MACF1: variants seen among roughly 807,000 people sequenced by gnomAD.
The protein encoded by MACF1 is microtubule-actin cross-linking factor 1.
A neutral mutation model predicts 854.8 loss-of-function variants in MACF1; 193 were observed. The ratio of observed to expected loss-of-function variants is 0.23; its 90% CI spans 0.20 to 0.25. MACF1 has a LOEUF of 0.25. MACF1 is among the 10% of genes least tolerant of loss of function. The probability of loss-of-function intolerance (pLI) is 1.00; values close to 1 mark genes in which losing one functional copy is unlikely to be tolerated. For missense variants in MACF1, 7,722 were observed against 8,929.1 expected (o/e 0.86, Z 5.45); for synonymous variants, 3,185 against 3,226.7 (o/e 0.99, Z 0.44).
chr1:39,094,933 G>T (rs1476653808), intron 2 of MACF1, among the ~76,000 whole-genome samples: 1 of 151,980 alleles, frequency 6.6e-6, no homozygotes, highest in African/African-American at 2.4e-5. Context: ...AGAGGATACA[G>T]GTGAAGAGAT....
chr1:39,228,683 CTT>C (rs1319243687), intron 1 of MACF1, among the ~76,000 whole-genome samples: 1 of 152,178 alleles, frequency 6.6e-6, no homozygotes, highest in African/African-American at 2.4e-5. Flanking sequence ...GAGATGGAGT[CTT>C]GCCCTCTTGC....
Position 39,334,440 on chromosome 1 carries a change from A to T in MACF1, c.7852A>T (p.Ile2618Phe). Residue 2618 changes from isoleucine to phenylalanine, a missense_variant, in exon 37 of 101, where the codon ATT becomes TTT. By Grantham distance (21) the Ile-to-Phe change is conservative. This residue lies in a region of MACF1 where 1,531 missense variants were observed against 1,601.6 expected (regional missense o/e 0.96). Coordinates refer to ENST00000564288, the MANE Select transcript of MACF1 (RefSeq NM_001394062.1). ...ATTGTCTCCAGGAATGATGCATGGC[A>T]TTGTAGATCCCGAGAACTGCAGAAT... is the stretch of plus-strand genomic sequence containing the variant. ...AVLSPGMMHG[I>F]VDPENCRIVP... 6.2e-7 allele frequency: 1 copy of T among 1,614,110 alleles called. No individual in the cohort carries two copies. Among genetic ancestry groups the T allele is most frequent in the Non-Finnish European group, 8.5e-7 (1 of 1,179,976 alleles).
intron 74 of MACF1, 37 bp from the exon 75 acceptor site, chr1:39,441,915 T>G (rs749783114): frequency 6.1e-6 from 9 of 1,471,184 alleles, no homozygotes; most frequent in Middle Eastern, 1.7e-4. Context: ...CAAATTCTTC[T>G]GGTTGTTTTT....
At chr1:39,437,532 G>C (rs1644008270) in intron 70 of MACF1, 2 of 425,158 alleles carry the variant, frequency 4.7e-6, no homozygotes, top group Non-Finnish European at 4.5e-6. Flanking sequence ...GGCTGGTCTT[G>C]AACTCCTGAC....
chr1:39,367,325 T>C (rs1163705717), intron 49 of MACF1, among the ~76,000 whole-genome samples: 1 of 152,076 alleles, frequency 6.6e-6, no homozygotes, highest in Non-Finnish European at 1.5e-5. Flanking sequence ...GATTGTTTTC[T>C]CTTAATTGCA....
intron 40 of MACF1, 81 bp downstream of exon 40, chr1:39,341,034 T>TA: frequency 1.5e-5 from 17 of 1,144,150 alleles, no homozygotes; most frequent in Non-Finnish European, 1.9e-5. Context: ...TCCATATTTA[T>TA]CTTTTTTTTT....
At position 39,293,439 on chromosome 1, in the gene MACF1, T is replaced by A; in HGVS notation, c.1993-19T>A. On this transcript the variant is annotated intron_variant, in intron 17 of 100. Coordinates refer to ENST00000564288, the MANE Select transcript of MACF1 (RefSeq NM_001394062.1). The stretch of plus-strand genomic sequence containing the variant: ...TACAAAGGCTGCCAGTCTAATCTTA[T>A]AATCCTTGCTTTGTCTAGGAAACTT... 6.2e-7 allele frequency: 1 copy of A among 1,601,572 alleles called. No individual in the cohort carries two copies. Among genetic ancestry groups the A allele is most frequent in the South Asian group, 1.1e-5 (1 of 89,488 alleles).
chr1:39,411,159 G>T (rs541949868), intron 58 of MACF1: 4 of 1,613,702 alleles, frequency 2.5e-6, no homozygotes, highest in African/African-American at 2.7e-5. Context: ...GTGAAGAGCT[G>T]TTAGATCCAG....
chr1:39,369,941 A>T, intron 50 of MACF1, 89 bp from the exon 51 acceptor site: 1 of 1,193,152 alleles, frequency 8.4e-7, no homozygotes, highest in Non-Finnish European at 1.2e-6. Context: ...TAGGTAACTG[A>T]TGTCTGGAGT....
At chr1:39,340,397 C>G (rs771588817) in intron 38 of MACF1, 105 bp from the exon 39 acceptor site, 216 of 760,046 alleles carry the variant, frequency 2.8e-4, no homozygotes, top group Non-Finnish European at 3.6e-4. Flanking sequence ...TTTTCTAAGC[C>G]CTAAAGTGTG....
chr1:39,154,475 G>T (rs768900586), intron 2 of MACF1, among the ~76,000 whole-genome samples: 2 of 152,104 alleles, frequency 1.3e-5, no homozygotes, highest in African/African-American at 2.4e-5. Context: ...ACACTGATAC[G>T]TGGGTGCTCT....
chr1:39,244,831 G>T (rs559962612), intron 2 of MACF1, among the ~76,000 whole-genome samples: 1 of 151,890 alleles, frequency 6.6e-6, no homozygotes, highest in East Asian at 1.9e-4. Context: ...CATCTGCCTC[G>T]GCTTCCCAAA....
chr1:39,307,901 C>CTTTTTTTTTTTTTT lies in MACF1; in HGVS notation c.2790-1661_2790-1648dup, dbSNP rs34930273. Among the ~76,000 whole-genome samples the CTTTTTTTTTTTTTT allele has an allele frequency of 3.4e-3, 173 of 50,408 alleles. 12 individuals carry two copies. Among genetic ancestry groups the CTTTTTTTTTTTTTT allele is most frequent in the South Asian group, 3.9e-3 (4 of 1,026 alleles). 33.1% of individuals were successfully genotyped at this position (50,408 alleles called of 152,430 possible). Reference sequence around the variant, plus strand: ...TTATTTCTCTTTTCTTTCTTTCTTTCTTTTTTTTTTTTTTTTTTTTTGAGA... The same window carrying CTTTTTTTTTTTTTT: ...TTATTTCTCTTTTCTTTCTTTCTTTCTTTTTTTTTTTTTTTTTTTTTTTTTTTTTTTTTTTGAGA... On this transcript the variant is annotated intron_variant, in intron 23 of 100. Coordinates refer to ENST00000564288, the MANE Select transcript of MACF1 (RefSeq NM_001394062.1).
chr1:39,160,590 G>C (rs1175964336), intron 2 of MACF1, among the ~76,000 whole-genome samples: 3 of 152,194 alleles, frequency 2.0e-5, no homozygotes, highest in Non-Finnish European at 2.9e-5. Context: ...TTGACCCAAA[G>C]AAAGGATCAG....
intron 99 of MACF1, among the ~76,000 whole-genome samples, chr1:39,483,731 G>C (rs1645057382): frequency 6.6e-6 from 1 of 152,184 alleles, no homozygotes; most frequent in African/African-American, 2.4e-5. Flanking sequence ...TGTTCCTGAT[G>C]TCTCAGTCCC....
At position 39,296,811 on chromosome 1, in the gene MACF1, A is replaced by AAAGAAAGGAAGGAAGG. The variant is rs1491230575; in HGVS notation, c.2356-806_2356-805insAAAGGAAGGAAGGAAG. Among the ~76,000 whole-genome samples, 287 of 106,392 alleles carry AAAGAAAGGAAGGAAGG rather than the reference A, an allele frequency of 2.7e-3. 4 individuals carry two copies. Among genetic ancestry groups the AAAGAAAGGAAGGAAGG allele is most frequent in the African/African-American group, 0.015 (268 of 17,944 alleles). 69.8% of individuals were successfully genotyped at this position (106,392 alleles called of 152,430 possible). On this transcript the variant is annotated intron_variant, in intron 20 of 100. Transcript: ENST00000564288. ...AAGAAAGGAAGGAAGGAAAAGAAAG[A>AAAGAAAGGAAGGAAGG]AAGGAAGGAAGGAAGGAAGGAAGGA...
chr1:39,323,007 A>AGGT lies in MACF1; in HGVS notation c.4236+1_4236+3dup. ...GCACTCCGGCGTCTGGAGGAGGAGG[A>AGGT]GGTGAGGACAGTTGGGTCCAAAGTC... On this transcript the variant is annotated inframe_insertion and splice_region_variant, in exon 33 of 101. Coordinates refer to ENST00000564288, the MANE Select transcript of MACF1 (RefSeq NM_001394062.1). 1 of 1,613,470 alleles carries AGGT rather than the reference A, an allele frequency of 6.2e-7. No homozygotes were observed. Among genetic ancestry groups the AGGT allele is most frequent in the Non-Finnish European group, 8.5e-7 (1 of 1,179,482 alleles).
intron 5 of MACF1, among the ~76,000 whole-genome samples, chr1:39,256,266 G>C (rs940539202): frequency 6.6e-6 from 1 of 152,174 alleles, no homozygotes; most frequent in Non-Finnish European, 1.5e-5. Flanking sequence ...GCTGACAGAG[G>C]TAGGACTGAG....
chr1:39,141,891 T>C (rs1371721641), intron 2 of MACF1, among the ~76,000 whole-genome samples: 1 of 152,138 alleles, frequency 6.6e-6, no homozygotes, highest in South Asian at 2.1e-4. Flanking sequence ...TTTAGAAAGG[T>C]TGGAATTGCC....
Sources: allele counts gnomAD v4.1 joint callset (sites outside exome capture counted in the v4.1 genomes callset), GRCh38; gene constraint gnomAD v4.1.1; regional missense constraint gnomAD v4.1.1; transcripts MANE v1.5; gene names NCBI Gene and HGNC (gene_info 2026-07-23, HGNC 2026-07-21).